Variants in RYR2 observed in about 807,000 individuals in gnomAD.
The protein encoded by RYR2 is ryanodine receptor 2.
A neutral mutation model predicts 601.1 loss-of-function variants in RYR2; 227 were observed. That is an observed-to-expected ratio of 0.38 (90% CI 0.34 to 0.42). The LOEUF (loss-of-function observed/expected upper bound fraction) is 0.42, where lower values mean the gene tolerates loss of function less well. Ranked by LOEUF, RYR2 falls within the 10% of genes least tolerant of loss-of-function variation. The pLI is 1.00. For missense variants in RYR2, 4,646 were observed against 6,156.5 expected (o/e 0.75, Z 8.21); for synonymous variants, 2,223 against 2,175.1 (o/e 1.02, Z -0.61).
At chr1:237,605,864 T>C (rs1677065818) in intron 35 of RYR2, among the ~76,000 whole-genome samples, 1 of 151,464 alleles carries the variant, frequency 6.6e-6, no homozygotes, top group Non-Finnish European at 1.5e-5. Context: ...TTACAAGGGA[T>C]GTGAAGGACC....
rs1060500157 is a variant in RYR2, at chr1:237,756,331, G to A, written c.11189G>A (p.Arg3730Gln). 1 of 1,613,564 alleles carries A rather than the reference G, an allele frequency of 6.2e-7. No individual in the cohort carries two copies. Among genetic ancestry groups the A allele is most frequent in the African/African-American group, 1.3e-5 (1 of 75,008 alleles). Residue 3730 changes from arginine to glutamine, a missense_variant, in exon 81 of 105, where the codon CGA (arginine) becomes CAA (glutamine). By Grantham distance (43) the Arg-to-Gln change is conservative. Around this residue, in one of 17 missense-constraint regions of RYR2, gnomAD observed 1,497 missense variants for 1,842.6 expected, o/e 0.81. Coordinates refer to ENST00000366574, the MANE Select transcript of RYR2 (RefSeq NM_001035.3). ...CAAAAGCTTCTATACCAGCAAGCCCGACTCCACGATCGTGGCGCGGCTGAG... is the reference window on the plus strand; with the variant it reads ...CAAAAGCTTCTATACCAGCAAGCCCAACTCCACGATCGTGGCGCGGCTGAG... ...EKQKLLYQQA[R>Q]LHDRGAAEMV... is the part of the protein sequence containing the mutation.
chr1:237,549,984 C>T (rs1670219443), intron 26 of RYR2, among the ~76,000 whole-genome samples: 1 of 152,180 alleles, frequency 6.6e-6, no homozygotes, highest in Admixed American at 6.5e-5. Flanking sequence ...GTACAATAGA[C>T]AAGTTATGGG....
intron 41 of RYR2, 42 bp from the exon 42 acceptor site, chr1:237,631,385 G>A (rs1446792110): frequency 1.6e-6 from 2 of 1,244,666 alleles, no homozygotes; most frequent in Non-Finnish European, 1.2e-6. Context: ...CTATTTAGAT[G>A]TTGCTCTGAG....
intron 1 of RYR2, among the ~76,000 whole-genome samples, chr1:237,067,239 G>A (rs1365674692): frequency 6.6e-6 from 1 of 151,990 alleles, no homozygotes; most frequent in Non-Finnish European, 1.5e-5. Flanking sequence ...TCTTGGTCTT[G>A]AATATTTTCT....
At chr1:237,123,973 C>T (rs1048822574) in intron 1 of RYR2, among the ~76,000 whole-genome samples, 9 of 152,178 alleles carry the variant, frequency 5.9e-5, no homozygotes, top group African/African-American at 1.4e-4. Flanking sequence ...ACTGAATACA[C>T]GTTTAATGCT....
At chr1:237,218,236 A>T (rs927526900) in intron 1 of RYR2, among the ~76,000 whole-genome samples, 4 of 152,194 alleles carry the variant, frequency 2.6e-5, no homozygotes, top group African/African-American at 9.7e-5. Context: ...AAAATTGTGA[A>T]TTATTGATTA....
At chr1:237,390,968 G>T (rs1702324703) in intron 10 of RYR2, among the ~76,000 whole-genome samples, 1 of 152,098 alleles carries the variant, frequency 6.6e-6, no homozygotes, top group Non-Finnish European at 1.5e-5. Flanking sequence ...ATGACTCGAG[G>T]GAGAAAATGA....
chr1:237,057,433 C>T (rs534919560), intron 1 of RYR2, among the ~76,000 whole-genome samples: 2 of 152,272 alleles, frequency 1.3e-5, no homozygotes, highest in East Asian at 3.9e-4. Context: ...GATCCACCCA[C>T]CTCAGCCTCC....
intron 100 of RYR2, among the ~76,000 whole-genome samples, chr1:237,817,608 A>G (rs1025673421): frequency 2.2e-4 from 33 of 152,218 alleles, no homozygotes; most frequent in Non-Finnish European, 2.9e-5. Flanking sequence ...AGAAATGAGT[A>G]TAATTGGCAC....
chr1:237,746,861 TAATA>T (rs1692124108), intron 80 of RYR2, among the ~76,000 whole-genome samples: 1 of 152,070 alleles, frequency 6.6e-6, no homozygotes, highest in Non-Finnish European at 1.5e-5. Context: ...AGGGAAATAA[TAATA>T]AATAATAATG....
intron 34 of RYR2, among the ~76,000 whole-genome samples, chr1:237,600,654 T>C (rs550609642): frequency 3.3e-4 from 50 of 151,700 alleles, no homozygotes; most frequent in Non-Finnish European, 5.6e-4. Context: ...ATTAACAGAG[T>C]GAAAAGACAA....
At chr1:237,258,650 T>G (rs1400814678) in intron 1 of RYR2, among the ~76,000 whole-genome samples, 3 of 152,208 alleles carry the variant, frequency 2.0e-5, no homozygotes, top group Non-Finnish European at 2.9e-5. Context: ...ATGGCTCAAG[T>G]TTTTATTTTT....
chr1:237,258,967 C>T (rs548441688), intron 1 of RYR2, among the ~76,000 whole-genome samples: 13 of 152,064 alleles, frequency 8.5e-5, no homozygotes, highest in East Asian at 1.9e-4. Flanking sequence ...CTTCTGCCTT[C>T]TGCTTGGCCA....
chr1:237,214,141 G>A (rs1682916191), intron 1 of RYR2, among the ~76,000 whole-genome samples: 1 of 151,686 alleles, frequency 6.6e-6, no homozygotes, highest in African/African-American at 2.4e-5. Flanking sequence ...GGCTGGTCTT[G>A]AACTCCTGAC....
At chr1:237,565,157 C>T (rs868604612) in intron 27 of RYR2, among the ~76,000 whole-genome samples, 894 of 52,450 alleles carry the variant, frequency 0.017, 42 homozygotes, top group Non-Finnish European at 0.02. Context: ...TTCTTTCTTT[C>T]TCTTTCTTTC....
rs746537587 is a variant in RYR2 at position 237,692,516 on chromosome 1, C to T, written c.9067+5012C>T. Among the ~76,000 whole-genome samples, 10 of 152,216 alleles carry T rather than the reference C, an allele frequency of 6.6e-5. No homozygotes were observed. In the East Asian group the frequency reaches 7.8e-4, roughly 12 times the overall value. On this transcript the variant is annotated intron_variant, in intron 63 of 104. Transcript: ENST00000366574. The stretch of plus-strand genomic sequence containing the variant: ...TAACCTAGCCACATTAGTGTTTCAC[C>T]GTCCATTCCCCATGGGCCACTCCGT...
Position 237,491,801 on chromosome 1 carries a change from T to G in RYR2, c.1709-5T>G. On this transcript the variant is annotated splice_polypyrimidine_tract_variant and splice_region_variant and intron_variant, in intron 17 of 104. Transcript: ENST00000366574. ...TTTTTTCCTCTTTCTTTGTTTTATC[T>G]TTAGGCATTCTGGAAGTTTTACACT... The G allele has an allele frequency of 1.5e-6, 2 of 1,322,412 alleles. No homozygotes were observed. Among genetic ancestry groups the G allele is most frequent in the Non-Finnish European group, 2.1e-6 (2 of 939,162 alleles). The allele number at this position is 1,322,412 out of a possible 1,614,324, so 81.9% of individuals were successfully genotyped here. A position where few individuals can be genotyped will look rare whatever the true frequency, so the allele number is the denominator to read the frequency against.
At chr1:237,517,279 A>C (rs2147824803) in intron 24 of RYR2, among the ~76,000 whole-genome samples, 1 of 152,322 alleles carries the variant, frequency 6.6e-6, no homozygotes, top group Admixed American at 6.5e-5. Flanking sequence ...TTCCCTGATA[A>C]GAATTTCCTC....
chr1:237,474,252 C>T lies in RYR2; in HGVS notation c.1708+5065C>T, dbSNP rs112060669. On this transcript the variant is annotated intron_variant, in intron 17 of 104. Transcript: ENST00000366574. Reference sequence around the variant, plus strand: ...ATACATATATATGTATAGATATATACATATGTATAGATACCTACACACACA... The same window carrying T: ...ATACATATATATGTATAGATATATATATATGTATAGATACCTACACACACA... Among the ~76,000 whole-genome samples the T allele has an allele frequency of 6.0e-5, 8 of 132,646 alleles. No homozygotes were observed. In the East Asian group the frequency reaches 8.1e-4, roughly 13 times the overall value. The allele number at this position is 132,646 out of a possible 152,430, so 87.0% of individuals were successfully genotyped here.
Sources: allele counts gnomAD v4.1 joint callset (sites outside exome capture counted in the v4.1 genomes callset), GRCh38; gene constraint gnomAD v4.1.1; regional missense constraint gnomAD v4.1.1; transcripts MANE v1.5; gene names NCBI Gene and HGNC (gene_info 2026-07-23, HGNC 2026-07-21).